PCDH9: variants seen among roughly 807,000 people sequenced by gnomAD.
PCDH9 encodes the protein protocadherin-9.
In PCDH9, 24 loss-of-function variants were observed where a neutral mutation model predicts 70.6. The ratio of observed to expected loss-of-function variants is 0.34; its 90% confidence interval spans 0.25 to 0.48. The LOEUF (loss-of-function observed/expected upper bound fraction) is 0.48, where lower values mean the gene tolerates loss of function less well. PCDH9 is among the 20% of genes least tolerant of loss of function. The probability of loss-of-function intolerance (pLI) is 0.99; values close to 1 mark genes in which losing one functional copy is unlikely to be tolerated. For missense variants in PCDH9, 1,281 were observed against 1,503.6 expected (o/e 0.85, Z 2.45); for synonymous variants, 562 against 558.5 (o/e 1.01, Z -0.09).
chr13:67,013,676 C>T (rs1394805681), intron 2 of PCDH9, among the ~76,000 whole-genome samples: 1 of 151,716 alleles, frequency 6.6e-6, no homozygotes, highest in Non-Finnish European at 1.5e-5. Flanking sequence ...CAGATGATAG[C>T]CTCATTCATC....
chr13:67,010,992 T>C (rs2084441394), intron 2 of PCDH9, among the ~76,000 whole-genome samples: 1 of 151,960 alleles, frequency 6.6e-6, no homozygotes, highest in Non-Finnish European at 1.5e-5. Context: ...AAGTGAGTAA[T>C]ACAATTTCCT....
At chr13:66,799,296 G>A (rs542848615) in intron 3 of PCDH9, among the ~76,000 whole-genome samples, 3 of 152,232 alleles carry the variant, frequency 2.0e-5, no homozygotes, top group African/African-American at 4.8e-5. Flanking sequence ...GCATACTGAC[G>A]GAACGAGGAA....
At chr13:67,195,471 T>C (rs2089037703) in intron 2 of PCDH9, among the ~76,000 whole-genome samples, 1 of 152,108 alleles carries the variant, frequency 6.6e-6, no homozygotes, top group Non-Finnish European at 1.5e-5. Context: ...CTGCTTAATC[T>C]CTCTTCCTTA....
intron 2 of PCDH9, among the ~76,000 whole-genome samples, chr13:66,946,416 T>A (rs765413184): frequency 6.6e-6 from 1 of 152,110 alleles, no homozygotes; most frequent in Non-Finnish European, 1.5e-5. Flanking sequence ...ATGCTTGTAA[T>A]CCCAACACTT....
chr13:66,756,474 T>C lies in PCDH9; in HGVS notation c.3139-125063A>G, dbSNP rs900995586. 1.2e-4 allele frequency among the ~76,000 whole-genome samples: 18 copies of C among 152,232 alleles called. No homozygotes were observed. The East Asian group carries it at 2.1e-3, about 18-fold the overall frequency. ...GATATTGGCAAATGGATCCATAACTTTGATGTTGGTATCAGTGAGGTCAAC... is the reference window on the plus strand; with the variant it reads ...GATATTGGCAAATGGATCCATAACTCTGATGTTGGTATCAGTGAGGTCAAC... On this transcript the variant is annotated intron_variant, in intron 3 of 4. Transcript: ENST00000377865.
At chr13:66,532,352 T>C (rs1034112385) in intron 4 of PCDH9, among the ~76,000 whole-genome samples, 2 of 152,136 alleles carry the variant, frequency 1.3e-5, no homozygotes, top group South Asian at 2.1e-4. Context: ...ACGTTCCCCA[T>C]GGGTGAGTCA....
intron 2 of PCDH9, among the ~76,000 whole-genome samples, chr13:67,079,190 A>T (rs2085936543): frequency 6.6e-6 from 1 of 152,002 alleles, no homozygotes; most frequent in African/African-American, 2.4e-5. Flanking sequence ...GAATAACGAG[A>T]CATGGAATGG....
At chr13:66,532,906 T>C (rs971699620) in intron 4 of PCDH9, among the ~76,000 whole-genome samples, 2 of 152,188 alleles carry the variant, frequency 1.3e-5, no homozygotes, top group Non-Finnish European at 2.9e-5. Context: ...ACATTAGATC[T>C]CATAATTTTC....
At chr13:66,538,603 C>A (rs1960807997) in intron 4 of PCDH9, among the ~76,000 whole-genome samples, 1 of 151,484 alleles carries the variant, frequency 6.6e-6, no homozygotes, top group Non-Finnish European at 1.5e-5. Context: ...GGCAGAATTC[C>A]CTCTTCCTTG....
At chr13:67,100,440 T>C (rs2086409859) in intron 2 of PCDH9, among the ~76,000 whole-genome samples, 1 of 152,146 alleles carries the variant, frequency 6.6e-6, no homozygotes, top group African/African-American at 2.4e-5. Context: ...TACTGACACA[T>C]AGAAATTATT....
intron 2 of PCDH9, among the ~76,000 whole-genome samples, chr13:67,195,295 C>T (rs1297335407): frequency 6.6e-6 from 1 of 152,046 alleles, no homozygotes; most frequent in Admixed American, 6.6e-5. Context: ...CAGGCGCCCT[C>T]CACCACGCCC....
At chr13:66,777,075 A>C (rs910073310) in intron 3 of PCDH9, among the ~76,000 whole-genome samples, 1 of 150,502 alleles carries the variant, frequency 6.6e-6, no homozygotes, top group Non-Finnish European at 1.5e-5. Flanking sequence ...CTGGCTAGCC[A>C]TATGTAGAAA....
intron 4 of PCDH9, among the ~76,000 whole-genome samples, chr13:66,341,267 GT>G (rs1026545479): frequency 4.0e-5 from 6 of 151,750 alleles, no homozygotes; most frequent in African/African-American, 9.7e-5. Flanking sequence ...TAATGTTTTA[GT>G]TTTTTTGTAG....
At chr13:66,766,176 T>A (rs993929632) in intron 3 of PCDH9, among the ~76,000 whole-genome samples, 3 of 152,028 alleles carry the variant, frequency 2.0e-5, no homozygotes, top group Non-Finnish European at 4.4e-5. Flanking sequence ...AAGAAAGCCA[T>A]AAGCCAGATA....
chr13:66,491,120 G>T (rs1192286290), intron 4 of PCDH9, among the ~76,000 whole-genome samples: 1 of 152,058 alleles, frequency 6.6e-6, no homozygotes, highest in African/African-American at 2.4e-5. Context: ...CTCTTTCACT[G>T]CCTCTTACAA....
intron 2 of PCDH9, among the ~76,000 whole-genome samples, chr13:67,015,833 T>A (rs2084550282): frequency 6.6e-6 from 1 of 152,178 alleles, no homozygotes; most frequent in South Asian, 2.1e-4. Flanking sequence ...GGCTCATTGT[T>A]CCTGTCAGTA....
intron 2 of PCDH9, among the ~76,000 whole-genome samples, chr13:66,930,023 A>G (rs2082781472): frequency 6.6e-6 from 1 of 152,138 alleles, no homozygotes; most frequent in Non-Finnish European, 1.5e-5. Flanking sequence ...CTGATTATCT[A>G]TATTAATAAG....
intron 3 of PCDH9, among the ~76,000 whole-genome samples, chr13:66,713,623 G>GTATATATATATA (rs762817724): frequency 0.064 from 5,860 of 91,916 alleles, 271 homozygotes; most frequent in Non-Finnish European, 0.082. Context: ...GTGTGTGTGT[G>GTATATATATATA]TGTATATATA....
intron 4 of PCDH9, among the ~76,000 whole-genome samples, chr13:66,348,675 AT>A (rs59340641): frequency 0.02 from 2,754 of 136,028 alleles, 50 homozygotes; most frequent in African/African-American, 0.073. Context: ...GCTATTTGCC[AT>A]TTTTTTTTTT....
Sources: allele counts gnomAD v4.1 joint callset (sites outside exome capture counted in the v4.1 genomes callset), GRCh38; gene constraint gnomAD v4.1.1; transcripts MANE v1.5; gene names NCBI Gene and HGNC (gene_info 2026-07-23, HGNC 2026-07-21).